Variants in SLC8A3 observed in about 807,000 individuals in gnomAD.
The protein encoded by SLC8A3 is sodium/calcium exchanger 3.
In SLC8A3, 37 loss-of-function variants were observed where a neutral mutation model predicts 65.4. The ratio of observed to expected loss-of-function variants is 0.57; its 90% CI spans 0.44 to 0.74. SLC8A3 has a LOEUF of 0.74. Ranked by LOEUF, SLC8A3 falls within the 30% of genes least tolerant of loss-of-function variation. The probability of loss-of-function intolerance (pLI) is 0.00; values close to 1 mark genes in which losing one functional copy is unlikely to be tolerated. For missense variants in SLC8A3, 1,112 were observed against 1,172.1 expected (o/e 0.95, Z 0.75); for synonymous variants, 461 against 444.5 (o/e 1.04, Z -0.47).
intron 2 of SLC8A3, among the ~76,000 whole-genome samples, chr14:70,099,417 T>A (rs985221431): frequency 4.6e-5 from 7 of 152,228 alleles, no homozygotes; most frequent in Non-Finnish European, 8.8e-5. Context: ...GACTGTGGAA[T>A]CAGATAGATT....
chr14:70,189,052 C>G (rs954721689), upstream of SLC8A3: 15 of 152,242 alleles, frequency 9.9e-5, no homozygotes, highest in African/African-American at 3.6e-4. Flanking sequence ...GTCACCCTAT[C>G]AGCTGGGAGA....
intron 2 of SLC8A3, among the ~76,000 whole-genome samples, chr14:70,085,943 G>A (rs1436288521): frequency 2.0e-5 from 3 of 152,198 alleles, no homozygotes; most frequent in Non-Finnish European, 4.4e-5. Flanking sequence ...GCTAATAAAT[G>A]ATAGAGACAG....
chr14:70,148,531 G>C (rs942619161), intron 2 of SLC8A3, among the ~76,000 whole-genome samples: 10 of 152,310 alleles, frequency 6.6e-5, no homozygotes, highest in Non-Finnish European at 1.2e-4. Flanking sequence ...GATGGTGGCA[G>C]TAACTGTGAC....
At chr14:70,185,893 C>T (rs1883167595) in intron 1 of SLC8A3, among the ~76,000 whole-genome samples, 1 of 152,182 alleles carries the variant, frequency 6.6e-6, no homozygotes, top group South Asian at 2.1e-4. Flanking sequence ...CTGGACTTAG[C>T]ACATGCCTGA....
chr14:70,065,901 C>T (rs1412590076), intron 2 of SLC8A3, among the ~76,000 whole-genome samples: 1 of 152,130 alleles, frequency 6.6e-6, no homozygotes, highest in Non-Finnish European at 1.5e-5. Flanking sequence ...CCTAAATGGG[C>T]TATTAGAGGG....
rs1375878589 is a variant in SLC8A3 at position 70,045,549 on chromosome 14, G to A, written c.*398C>T. ...GTCTTGTCAGCTGAGTGAGATAATA[G>A]GGACATATGGAATTGGGCAGAGAGG... is the stretch of plus-strand genomic sequence containing the variant. On this transcript the variant is annotated 3_prime_UTR_variant, in exon 7 of 7. Transcript: ENST00000356921. 3 of 165,360 alleles carry A rather than the reference G, an allele frequency of 1.8e-5. No individual in the cohort carries two copies. Among genetic ancestry groups the A allele is most frequent in the African/African-American group, 7.2e-5 (3 of 41,898 alleles). 10.2% of individuals were successfully genotyped at this position (165,360 alleles called of 1,614,324 possible).
intron 2 of SLC8A3, among the ~76,000 whole-genome samples, chr14:70,113,127 C>T (rs947319629): frequency 9.5e-6 from 1 of 104,770 alleles, no homozygotes; most frequent in Non-Finnish European, 2.1e-5. Flanking sequence ...TACTGTCATG[C>T]CTCACTTAAC....
intron 2 of SLC8A3, among the ~76,000 whole-genome samples, chr14:70,124,675 G>A (rs943508227): frequency 1.3e-5 from 2 of 152,206 alleles, no homozygotes; most frequent in African/African-American, 4.8e-5. Flanking sequence ...CTGTAGGCCT[G>A]TCTTTCTTGC....
chr14:70,083,863 A>G (rs1397669339), intron 2 of SLC8A3, among the ~76,000 whole-genome samples: 1 of 152,124 alleles, frequency 6.6e-6, no homozygotes, highest in East Asian at 1.9e-4. Context: ...GCATTACCCA[A>G]TCCATACCTG....
rs995753853 is a variant in SLC8A3, at chr14:70,156,149, G to A, written c.1784+10490C>T. Among the ~76,000 whole-genome samples the A allele has an allele frequency of 5.3e-5, 8 of 152,174 alleles. No homozygotes were observed. The South Asian group carries it at 6.2e-4, about 12-fold the overall frequency. On this transcript the variant is annotated intron_variant, in intron 2 of 6. Coordinates refer to ENST00000356921, the MANE Select transcript of SLC8A3 (RefSeq NM_182932.3). Reference sequence around the variant, plus strand: ...CCTGTCTAGAGTACAAAACTCACTAGGTTAGCAGTGCTTCTGGAAGATTCT... The same window carrying A: ...CCTGTCTAGAGTACAAAACTCACTAAGTTAGCAGTGCTTCTGGAAGATTCT...
chr14:70,153,499 A>C (rs1171175878), intron 2 of SLC8A3, among the ~76,000 whole-genome samples: 1 of 151,824 alleles, frequency 6.6e-6, no homozygotes, highest in Non-Finnish European at 1.5e-5. Flanking sequence ...AATCCCTGAC[A>C]AAAAAACAAG....
chr14:70,064,896 G>A (rs965296326), intron 2 of SLC8A3, among the ~76,000 whole-genome samples: 5 of 152,024 alleles, frequency 3.3e-5, no homozygotes, highest in African/African-American at 4.8e-5. Context: ...AAAAACAGAT[G>A]TAGACCTGGG....
chr14:70,065,723 T>C (rs909836014), intron 2 of SLC8A3, among the ~76,000 whole-genome samples: 7 of 152,214 alleles, frequency 4.6e-5, no homozygotes, highest in African/African-American at 1.4e-4. Context: ...GTAACAACAA[T>C]CCCAGTTTGG....
chr14:70,095,486 T>C (rs181919483), intron 2 of SLC8A3, among the ~76,000 whole-genome samples: 46 of 152,358 alleles, frequency 3.0e-4, no homozygotes, highest in Admixed American at 2.2e-3. Flanking sequence ...AGCTGTTGAA[T>C]TGTCACTTGG....
rs570387826 is a variant in SLC8A3 at position 70,048,896 on chromosome 14, C to T, written c.2260G>A (p.Val754Ile). The T allele has an allele frequency of 5.6e-5, 90 of 1,614,142 alleles. No individual in the cohort carries two copies. Among genetic ancestry groups the T allele is most frequent in the Middle Eastern group, 1.6e-4 (1 of 6,062 alleles). ...AGCATGCCAATGATGAGGATGGAGACGGCGAAGCAGGCCCAGCCGTGGCAG... is the reference window on the plus strand; with the variant it reads ...AGCATGCCAATGATGAGGATGGAGATGGCGAAGCAGGCCCAGCCGTGGCAG... ...EYCHGWACFA[V>I]SILIIGMLTA... The change falls in exon 6 of 7, where the codon GTC (valine) becomes ATC (isoleucine). Residue 754 changes from valine (V) to isoleucine (I), a missense_variant. Physicochemically the swap from Val to Ile is conservative, Grantham distance 29. Coordinates refer to ENST00000356921, the MANE Select transcript of SLC8A3 (RefSeq NM_182932.3).
intron 2 of SLC8A3, among the ~76,000 whole-genome samples, chr14:70,079,433 G>T (rs1890843798): frequency 6.6e-6 from 1 of 151,928 alleles, no homozygotes; most frequent in South Asian, 2.1e-4. Flanking sequence ...AACCCAGGAG[G>T]CAGAGGTTAC....
intron 2 of SLC8A3, among the ~76,000 whole-genome samples, chr14:70,165,266 C>G (rs561040635): frequency 4.6e-5 from 7 of 152,166 alleles, no homozygotes; most frequent in Admixed American, 2.0e-4. Context: ...CAGGATCCCC[C>G]GGGTCACTCA....
intron 2 of SLC8A3, among the ~76,000 whole-genome samples, chr14:70,080,926 G>A (rs188752110): frequency 2.6e-5 from 4 of 152,286 alleles, no homozygotes; most frequent in African/African-American, 9.6e-5. Context: ...ACATAGATAG[G>A]TTGGCAACTT....
chr14:70,105,429 A>G (rs1892804976), intron 2 of SLC8A3, among the ~76,000 whole-genome samples: 1 of 152,238 alleles, frequency 6.6e-6, no homozygotes, highest in Non-Finnish European at 1.5e-5. Flanking sequence ...GACAGATCTT[A>G]TAGACATTCA....
Sources: gnomAD v4.1 joint callset for allele counts (sites outside exome capture counted in the v4.1 genomes callset) on GRCh38, gnomAD v4.1.1 for gene constraint, MANE v1.5 for transcripts, NCBI Gene and HGNC (gene_info 2026-07-23, HGNC 2026-07-21) for gene names.